The following OTUD7A variants were observed in gnomAD, a reference collection of about 807,000 sequenced individuals.
OTUD7A encodes OTU domain-containing protein 7A.
Under a neutral mutation model 65.7 loss-of-function variants are expected in OTUD7A, and 12 were observed. The ratio of observed to expected loss-of-function variants is 0.18; its 90% CI spans 0.12 to 0.30. The LOEUF (loss-of-function observed/expected upper bound fraction) is 0.30, where lower values mean the gene tolerates loss of function less well. Among genes scored for constraint, OTUD7A ranks in the 10% least tolerant of loss-of-function variants. The probability of loss-of-function intolerance (pLI) is 1.00; values close to 1 mark genes in which losing one functional copy is unlikely to be tolerated. For synonymous variants in OTUD7A, 641 were observed against 586.3 expected (o/e 1.09, Z -1.35); for missense variants, 1,148 against 1,304.8 (o/e 0.88, Z 1.85).
intron 3 of OTUD7A, among the ~76,000 whole-genome samples, chr15:31,640,801 A>G (rs1404095415): frequency 6.6e-6 from 1 of 152,132 alleles, no homozygotes; most frequent in Non-Finnish European, 1.5e-5. Context: ...CAAGCACATT[A>G]GCTTATTCAT....
chr15:31,601,791 C>G (rs1365251157), intron 3 of OTUD7A, among the ~76,000 whole-genome samples: 1 of 152,172 alleles, frequency 6.6e-6, no homozygotes, highest in Admixed American at 6.5e-5. Context: ...ACTGATCCCA[C>G]AGAAATACAA....
At chr15:31,607,820 T>C (rs1890280398) in intron 3 of OTUD7A, among the ~76,000 whole-genome samples, 1 of 152,220 alleles carries the variant, frequency 6.6e-6, no homozygotes, top group South Asian at 2.1e-4. Flanking sequence ...CTGCACCATC[T>C]AGGTTTGTGT....
intron 1 of OTUD7A, among the ~76,000 whole-genome samples, chr15:31,661,251 G>A (rs1355625839): frequency 6.6e-6 from 1 of 152,158 alleles, no homozygotes; most frequent in Non-Finnish European, 1.5e-5. Flanking sequence ...ATCTACTGGG[G>A]TTTTGTCTTA....
chr15:31,510,413 G>A (rs2041668970), intron 8 of OTUD7A, among the ~76,000 whole-genome samples: 1 of 150,568 alleles, frequency 6.6e-6, no homozygotes, highest in Non-Finnish European at 1.5e-5. Flanking sequence ...GGAGCGACTG[G>A]CAGGAGTGGA....
chr15:31,852,734 G>GA (rs1277374179), intron 1 of OTUD7A, among the ~76,000 whole-genome samples: 3 of 152,196 alleles, frequency 2.0e-5, no homozygotes, highest in African/African-American at 7.2e-5. Context: ...GGGTAGCTGT[G>GA]AAATCTAAAC....
chr15:31,828,637 C>T (rs1350554321), intron 1 of OTUD7A, among the ~76,000 whole-genome samples: 4 of 152,132 alleles, frequency 2.6e-5, no homozygotes, highest in Non-Finnish European at 4.4e-5. Context: ...ATGGAGAAAA[C>T]GGGTGAAATA....
rs142364408 is a variant in OTUD7A at position 31,534,755 on chromosome 15, T to C, written c.551-3947A>G. Among the ~76,000 whole-genome samples the C allele has an allele frequency of 5.3e-5, 8 of 152,258 alleles. No individual in the cohort carries two copies. The East Asian group carries it at 1.2e-3, about 22-fold the overall frequency. On this transcript the variant is annotated intron_variant, in intron 5 of 12. Transcript: ENST00000307050. ...AATCAATGGTACAGTCATCCCCAAG[T>C]ATCTGCACAGGATTGGTTCTGGGAC...
rs142571874 is a variant in OTUD7A at position 31,862,494 on chromosome 15, C to T, written c.-100+8013G>A. ...TTACAGTTCCACATGGCTGGTGAGG[C>T]CTCAGAATCATGGCGGGAGGTGAAA... On this transcript the variant is annotated intron_variant, in intron 1 of 12. Coordinates refer to ENST00000307050, the MANE Select transcript of OTUD7A (RefSeq NM_001382637.1). Among the ~76,000 whole-genome samples the T allele has an allele frequency of 7.0e-3, 1,065 of 152,262 alleles. 15 individuals are homozygous for T. The highest frequency in any genetic ancestry group is 0.025 in the African/African-American group (1,025 of 41,544).
At chr15:31,800,025 AC>A (rs1896077197) in intron 1 of OTUD7A, among the ~76,000 whole-genome samples, 1 of 152,188 alleles carries the variant, frequency 6.6e-6, no homozygotes, top group Admixed American at 6.5e-5. Context: ...TGTTTATTAC[AC>A]CAGAAACCGC....
At chr15:31,614,015 T>C (rs994572120) in intron 3 of OTUD7A, among the ~76,000 whole-genome samples, 7 of 152,114 alleles carry the variant, frequency 4.6e-5, no homozygotes, top group Non-Finnish European at 1.0e-4. Flanking sequence ...CTGGATAAGA[T>C]TGGAGACTAT....
chr15:31,483,669 G>A lies in OTUD7A; in HGVS notation c.2427C>T (p.Arg809=). Residue 809 remains arginine, a synonymous_variant, in exon 13 of 13, where the codon CGC becomes CGT. Coordinates refer to ENST00000307050, the MANE Select transcript of OTUD7A (RefSeq NM_001382637.1). ...RPCATYPQQN[R]SLSSQSYSPA... ...GGCTGTAGCTCTGCGACGACAGCGA[G>A]CGGTTCTGCTGCGGGTACGTGGCGC... is the stretch of plus-strand genomic sequence containing the variant. The A allele has an allele frequency of 8.6e-7, 1 of 1,167,580 alleles. No homozygotes were observed. Among genetic ancestry groups the A allele is most frequent in the Non-Finnish European group, 1.1e-6 (1 of 948,758 alleles). The allele number at this position is 1,167,580 out of a possible 1,614,324, so 72.3% of individuals were successfully genotyped here.
At chr15:31,848,141 C>A (rs113015391) in intron 1 of OTUD7A, among the ~76,000 whole-genome samples, 1 of 152,218 alleles carries the variant, frequency 6.6e-6, no homozygotes, top group African/African-American at 2.4e-5. Context: ...TTCAGTGAGG[C>A]AGGCTCATGG....
At chr15:31,739,018 G>A (rs1894266771) in intron 1 of OTUD7A, among the ~76,000 whole-genome samples, 1 of 143,452 alleles carries the variant, frequency 7.0e-6, no homozygotes, top group African/African-American at 2.6e-5. Context: ...CTCGCTGGGG[G>A]CTTCAGAAAG....
intron 1 of OTUD7A, chr15:31,765,787 T>C (rs1377593965): frequency 2.2e-6 from 3 of 1,362,222 alleles, no homozygotes; most frequent in African/African-American, 1.4e-5. Context: ...AAAATCAGCA[T>C]TGGTTGCTTG....
chr15:31,617,490 A>G (rs563263997), intron 3 of OTUD7A, among the ~76,000 whole-genome samples: 1 of 152,308 alleles, frequency 6.6e-6, no homozygotes, highest in South Asian at 2.1e-4. Flanking sequence ...TGTCAAAAAA[A>G]AAAGAAAAAA....
At chr15:31,684,737 G>A (rs144905225) in intron 1 of OTUD7A, among the ~76,000 whole-genome samples, 2,544 of 147,986 alleles carry the variant, frequency 0.017, 97 homozygotes, top group African/African-American at 0.059. Flanking sequence ...GACAGAAGTC[G>A]CAGTGTTTGT....
intron 3 of OTUD7A, among the ~76,000 whole-genome samples, chr15:31,653,819 G>A (rs1378271973): frequency 1.3e-5 from 2 of 152,098 alleles, no homozygotes; most frequent in African/African-American, 4.8e-5. Flanking sequence ...CTATAAGGCT[G>A]TCTAGACATT....
chr15:31,739,119 A>T (rs570955245), intron 1 of OTUD7A, among the ~76,000 whole-genome samples: 4 of 152,326 alleles, frequency 2.6e-5, no homozygotes, highest in Non-Finnish European at 5.9e-5. Flanking sequence ...CTGATTTACA[A>T]ACACCCCAGG....
At chr15:31,551,772 G>C (rs1174256802) in intron 5 of OTUD7A, among the ~76,000 whole-genome samples, 2 of 152,140 alleles carry the variant, frequency 1.3e-5, no homozygotes, top group African/African-American at 2.4e-5. Flanking sequence ...CTGGGCCCTC[G>C]GATGTCCCCT....
Sources: allele counts gnomAD v4.1 joint callset (sites outside exome capture counted in the v4.1 genomes callset), GRCh38; gene constraint gnomAD v4.1.1; transcripts MANE v1.5; gene names NCBI Gene and HGNC (gene_info 2026-07-23, HGNC 2026-07-21).